The following CCDC171 variants were observed in gnomAD, a reference collection of about 807,000 sequenced individuals.
The protein encoded by CCDC171 is coiled-coil domain-containing protein 171.
Under a neutral mutation model 168.2 loss-of-function variants are expected in CCDC171, and 177 were observed. That is an observed-to-expected ratio of 1.05 (90% confidence interval 0.93 to 1.19). The LOEUF (loss-of-function observed/expected upper bound fraction) is 1.19, where lower values mean the gene tolerates loss of function less well. Ranked by LOEUF, CCDC171 falls within the 50% of genes most tolerant of loss-of-function variation. The pLI is 0.00. For missense variants in CCDC171, 1,991 were observed against 1,539.0 expected, an observed-to-expected ratio of 1.29 and a Z score of -4.91; for synonymous variants, 687 against 540.8, an observed-to-expected ratio of 1.27 and a Z score of -3.75.
chr9:15,794,811 A>G (rs2058468551), intron 21 of CCDC171, among the ~76,000 whole-genome samples: 1 of 152,242 alleles, frequency 6.6e-6, no homozygotes, highest in Non-Finnish European at 1.5e-5. Flanking sequence ...TTCCTGAAGT[A>G]AACCCAATGT....
rs1444876480 is a variant in CCDC171, at chr9:15,676,562, T to C, written c.1077-2196T>C. Among the ~76,000 whole-genome samples, 4 of 152,236 alleles carry C rather than the reference T, an allele frequency of 2.6e-5. No individual in the cohort carries two copies. The East Asian group carries it at 5.8e-4, about 22-fold the overall frequency. On this transcript the variant is annotated intron_variant, in intron 9 of 25. Transcript: ENST00000380701. The stretch of plus-strand genomic sequence containing the variant: ...TGGACAAGTTGTTTTTTAGGTTCCC[T>C]GTACACAGTCACCCAAGGACTTCCC...
intron 18 of CCDC171, among the ~76,000 whole-genome samples, chr9:15,762,032 A>G (rs977705085): frequency 3.9e-5 from 6 of 152,104 alleles, no homozygotes; most frequent in Non-Finnish European, 7.4e-5. Context: ...TTTATAGAAT[A>G]TATTTTATAA....
intron 24 of CCDC171, among the ~76,000 whole-genome samples, chr9:15,877,332 A>G (rs1391532499): frequency 6.6e-6 from 1 of 152,144 alleles, no homozygotes; most frequent in Non-Finnish European, 1.5e-5. Flanking sequence ...TGCAGCCGTT[A>G]TAAGGCCCTT....
chr9:15,915,611 T>C (rs1001015271), intron 24 of CCDC171, among the ~76,000 whole-genome samples: 8 of 152,212 alleles, frequency 5.3e-5, no homozygotes, highest in Non-Finnish European at 7.3e-5. Flanking sequence ...GTTATTTTTT[T>C]CCTCTTGCCT....
intron 5 of CCDC171, among the ~76,000 whole-genome samples, chr9:15,593,251 C>G (rs953807610): frequency 1.3e-5 from 2 of 152,122 alleles, no homozygotes; most frequent in African/African-American, 4.8e-5. Flanking sequence ...CTTTCTCTCG[C>G]ATGTAAACTA....
At chr9:15,859,394 G>T (rs2061467284) in intron 23 of CCDC171, among the ~76,000 whole-genome samples, 1 of 151,604 alleles carries the variant, frequency 6.6e-6, no homozygotes, top group Non-Finnish European at 1.5e-5. Flanking sequence ...GGAAGATGCT[G>T]GTCTCATAAA....
At chr9:15,569,817 A>AAAAAAAC (rs1357527805) in intron 2 of CCDC171, among the ~76,000 whole-genome samples, 5 of 103,298 alleles carry the variant, frequency 4.8e-5, no homozygotes, top group African/African-American at 1.3e-4. Flanking sequence ...TCCGTCTCAA[A>AAAAAAAC]AAAAAACAAA....
At chr9:15,874,815 A>T (rs986145886) in intron 24 of CCDC171, 152 bp downstream of exon 24, 3 of 712,270 alleles carry the variant, frequency 4.2e-6, no homozygotes, top group South Asian at 4.7e-5. Flanking sequence ...GTAACAGTAT[A>T]CTTTACAAAA....
chr9:15,731,258 C>T (rs376668123), intron 16 of CCDC171, among the ~76,000 whole-genome samples: 1 of 152,052 alleles, frequency 6.6e-6, no homozygotes, highest in African/African-American at 2.4e-5. Context: ...GTGGTAACTA[C>T]AATTTGATGT....
chr9:15,952,586 G>A (rs1217013523), intron 25 of CCDC171, among the ~76,000 whole-genome samples: 4 of 151,920 alleles, frequency 2.6e-5, no homozygotes, highest in East Asian at 1.9e-4. Flanking sequence ...TAGTAGAGAC[G>A]GGGTTTCTCC....
chr9:15,652,483 T>C (rs1026702846), intron 7 of CCDC171, among the ~76,000 whole-genome samples: 1 of 151,998 alleles, frequency 6.6e-6, no homozygotes, highest in Non-Finnish European at 1.5e-5. Flanking sequence ...TCTGGCTCTG[T>C]CACCTGGCTG....
At chr9:16,041,983 C>T (rs899095713), upstream of CCDC171, among the ~76,000 whole-genome samples, 4 of 152,158 alleles carry the variant, frequency 2.6e-5, no homozygotes, top group South Asian at 2.1e-4. Context: ...CCCCAAAGCC[C>T]GCTTTCTGAG....
chr9:15,843,973 A>G (rs2130692639), intron 21 of CCDC171, among the ~76,000 whole-genome samples: 1 of 152,254 alleles, frequency 6.6e-6, no homozygotes, highest in South Asian at 2.1e-4. Flanking sequence ...GACAGTCAGG[A>G]GAGTTCTCCA....
chr9:15,678,995 T>C, intron 10 of CCDC171, 99 bp downstream of exon 10: 1 of 923,260 alleles, frequency 1.1e-6, no homozygotes, highest in Non-Finnish European at 1.6e-6. Flanking sequence ...GATAATAGTA[T>C]GCAAGTTATT....
At chr9:16,091,831 G>A in the CCDC171 span, among the ~76,000 whole-genome samples, 1 of 152,232 alleles carries the variant, frequency 6.6e-6, no homozygotes, top group South Asian at 2.1e-4. Flanking sequence ...GACAGAATGT[G>A]AGAAAGAACA....
chr9:15,891,082 A>G (rs747116797), intron 24 of CCDC171, among the ~76,000 whole-genome samples: 17 of 152,202 alleles, frequency 1.1e-4, no homozygotes, highest in Non-Finnish European at 1.0e-4. Flanking sequence ...AATTCTTATA[A>G]TTCTAGCTAA....
intron 6 of CCDC171, among the ~76,000 whole-genome samples, chr9:16,024,895 A>C (rs1833244563): frequency 3.9e-5 from 6 of 152,184 alleles, no homozygotes. Context: ...TATTTGGATA[A>C]CCAATCATCT....
At chr9:16,010,880 G>C (rs1050074449) in intron 3 of CCDC171, among the ~76,000 whole-genome samples, 2 of 152,000 alleles carry the variant, frequency 1.3e-5, no homozygotes, top group African/African-American at 4.8e-5. Context: ...AATGAGAAGA[G>C]GGCATTAGGA....
intron 25 of CCDC171, among the ~76,000 whole-genome samples, chr9:15,970,463 G>T (rs953700875): frequency 1.3e-5 from 2 of 151,362 alleles, no homozygotes; most frequent in Non-Finnish European, 2.9e-5. Flanking sequence ...AACCAGACTT[G>T]TTATTTCAGC....
Sources: gnomAD v4.1 joint callset for allele counts (sites outside exome capture counted in the v4.1 genomes callset) on GRCh38, gnomAD v4.1.1 for gene constraint, MANE v1.5 for transcripts, NCBI Gene and HGNC (gene_info 2026-07-23, HGNC 2026-07-21) for gene names.